Variants in CSGALNACT1 observed in about 807,000 individuals in gnomAD.
CSGALNACT1 encodes the protein beta4GalNAcT-1.
Under a neutral mutation model 51.0 loss-of-function variants are expected in CSGALNACT1, and 52 were observed. The ratio of observed to expected loss-of-function variants is 1.02; its 90% confidence interval spans 0.82 to 1.29. The LOEUF (loss-of-function observed/expected upper bound fraction) is 1.29. CSGALNACT1 is among the 50% of genes most tolerant of loss of function. The pLI is 0.00. For synonymous variants in CSGALNACT1, 341 were observed against 254.4 expected (o/e 1.34, Z -3.24); for missense variants, 935 against 679.2 (o/e 1.38, Z -4.19).
At chr8:19,531,298 C>G (rs1388721580) in intron 3 of CSGALNACT1, among the ~76,000 whole-genome samples, 2 of 152,124 alleles carry the variant, frequency 1.3e-5, no homozygotes, top group African/African-American at 4.8e-5. Flanking sequence ...AATTTTCACT[C>G]ATAGCTCCAC....
At chr8:19,509,270 C>T (rs967175921) in intron 3 of CSGALNACT1, among the ~76,000 whole-genome samples, 48 of 152,110 alleles carry the variant, frequency 3.2e-4, no homozygotes, top group African/African-American at 1.2e-3. Flanking sequence ...CCTTCGGATT[C>T]TTGCTTCTGT....
At chr8:19,647,453 A>G (rs962385975) in intron 1 of CSGALNACT1, among the ~76,000 whole-genome samples, 1 of 152,196 alleles carries the variant, frequency 6.6e-6, no homozygotes, top group African/African-American at 2.4e-5. Flanking sequence ...AAAAGTGGCC[A>G]TGTGTTTATC....
chr8:19,680,094 G>A (rs1221583546), intron 1 of CSGALNACT1, among the ~76,000 whole-genome samples: 1 of 152,138 alleles, frequency 6.6e-6, no homozygotes, highest in African/African-American at 2.4e-5. Context: ...CAGGAATAAT[G>A]TTATAGATTT....
intron 5 of CSGALNACT1, among the ~76,000 whole-genome samples, chr8:19,454,857 C>G (rs1326990269): frequency 6.6e-6 from 1 of 152,042 alleles, no homozygotes; most frequent in South Asian, 2.1e-4. Flanking sequence ...AGCGAGATCT[C>G]TTGGGAACTA....
intron 3 of CSGALNACT1, among the ~76,000 whole-genome samples, chr8:19,558,456 T>A (rs1564041006): frequency 6.6e-6 from 1 of 152,214 alleles, no homozygotes; most frequent in Non-Finnish European, 1.5e-5. Flanking sequence ...GAGAAAGTTA[T>A]ACTATTAGGG....
intron 6 of CSGALNACT1, among the ~76,000 whole-genome samples, chr8:19,434,168 T>C (rs2060036078): frequency 6.6e-6 from 1 of 152,208 alleles, no homozygotes; most frequent in Non-Finnish European, 1.5e-5. Context: ...ACTGCTTTTG[T>C]AGAGAGGAGT....
At chr8:19,484,881 G>A (rs371180782) in intron 4 of CSGALNACT1, among the ~76,000 whole-genome samples, 6 of 152,110 alleles carry the variant, frequency 3.9e-5, no homozygotes, top group East Asian at 1.9e-4. Context: ...CACCAGAGAC[G>A]TGCACTCACA....
intron 1 of CSGALNACT1, among the ~76,000 whole-genome samples, chr8:19,717,788 C>A (rs1564465832): frequency 6.6e-6 from 1 of 152,172 alleles, no homozygotes; most frequent in East Asian, 1.9e-4. Context: ...TTTTTAGTTT[C>A]TTGCACTGTA....
At chr8:19,728,148 C>A (rs932658385) in intron 1 of CSGALNACT1, among the ~76,000 whole-genome samples, 1 of 152,100 alleles carries the variant, frequency 6.6e-6, no homozygotes, top group African/African-American at 2.4e-5. Context: ...ACATTCGGTG[C>A]CTCCGTTTCC....
intron 4 of CSGALNACT1, among the ~76,000 whole-genome samples, chr8:19,471,272 C>G (rs1200689181): frequency 6.6e-6 from 1 of 152,174 alleles, no homozygotes; most frequent in African/African-American, 2.4e-5. Context: ...GAACACTGCG[C>G]ATGCGGAAAG....
intron 1 of CSGALNACT1, among the ~76,000 whole-genome samples, chr8:19,756,773 C>G (rs1220108413): frequency 6.6e-6 from 1 of 152,236 alleles, no homozygotes; most frequent in African/African-American, 2.4e-5. Context: ...ATACAATAAC[C>G]GCAGTCATCG....
chr8:19,570,822 G>A (rs1295985485), intron 3 of CSGALNACT1, among the ~76,000 whole-genome samples: 1 of 152,096 alleles, frequency 6.6e-6, no homozygotes, highest in Non-Finnish European at 1.5e-5. Context: ...ATCAAGCTGA[G>A]GCTTGAACCC....
At chr8:19,668,971 A>C (rs919407123) in intron 1 of CSGALNACT1, among the ~76,000 whole-genome samples, 1 of 152,252 alleles carries the variant, frequency 6.6e-6, no homozygotes, top group African/African-American at 2.4e-5. Flanking sequence ...CAGTGATCAA[A>C]GTATTCATTT....
At chr8:19,671,783 G>C (rs928310773) in intron 1 of CSGALNACT1, among the ~76,000 whole-genome samples, 2 of 152,120 alleles carry the variant, frequency 1.3e-5, no homozygotes, top group Non-Finnish European at 2.9e-5. Context: ...GCTCTAAATT[G>C]AGAATATAGA....
intron 1 of CSGALNACT1, among the ~76,000 whole-genome samples, chr8:19,707,687 AC>A (rs1249042047): frequency 7.9e-6 from 1 of 125,808 alleles, no homozygotes; most frequent in Admixed American, 8.9e-5. Context: ...TTTTTAATCC[AC>A]AAAAAAACCC....
intron 3 of CSGALNACT1, among the ~76,000 whole-genome samples, chr8:19,585,929 T>A (rs1182171236): frequency 6.6e-6 from 1 of 152,202 alleles, no homozygotes; most frequent in African/African-American, 2.4e-5. Flanking sequence ...AGATTTGCAA[T>A]GGAACTGTGC....
chr8:19,604,766 T>A (rs1295681442), upstream of CSGALNACT1, among the ~76,000 whole-genome samples: 4 of 135,060 alleles, frequency 3.0e-5, no homozygotes, highest in Admixed American at 7.2e-5. Context: ...AAAAAAAAAA[T>A]TAGCCGCGCA....
intron 3 of CSGALNACT1, among the ~76,000 whole-genome samples, chr8:19,534,853 G>A (rs968837343): frequency 6.6e-6 from 1 of 152,096 alleles, no homozygotes; most frequent in Admixed American, 6.6e-5. Context: ...GTCAAGTGGG[G>A]AGTTTGTAAT....
At chr8:19,553,785 A>G (rs1443306489) in intron 3 of CSGALNACT1, among the ~76,000 whole-genome samples, 1 of 151,654 alleles carries the variant, frequency 6.6e-6, no homozygotes, top group Non-Finnish European at 1.5e-5. Flanking sequence ...GTCAAAGGAA[A>G]TAAGAGGTTT....
Sources: gnomAD v4.1 joint callset for allele counts (sites outside exome capture counted in the v4.1 genomes callset) on GRCh38, gnomAD v4.1.1 for gene constraint, MANE v1.5 for transcripts, NCBI Gene and HGNC (gene_info 2026-07-23, HGNC 2026-07-21) for gene names.